GAB3: variants seen among roughly 807,000 people sequenced by gnomAD.
The protein encoded by GAB3 is GRB2-associated-binding protein 3.
GAB3 carries 12 observed loss-of-function variants against 40.4 expected under a neutral mutation model. That is an observed-to-expected ratio of 0.30 (90% confidence interval 0.19 to 0.48). The LOEUF is 0.48. Among genes scored for constraint, GAB3 ranks in the 20% least tolerant of loss-of-function variants. The pLI is 0.99. For missense variants in GAB3, 381 were observed against 461.9 expected (o/e 0.82, Z 1.61); for synonymous variants, 154 against 176.7 (o/e 0.87, Z 1.02).
chrX:154,723,562 C>T (rs1268431674), intron 1 of GAB3, among the ~76,000 whole-genome samples: 1 of 111,647 alleles, frequency 9.0e-6, no homozygotes, highest in Admixed American at 9.4e-5. Context: ...TCTCTTCTTA[C>T]TGAGATGTTT....
intron 4 of GAB3, among the ~76,000 whole-genome samples, chrX:154,706,501 ACTCT>A (rs1275463138): frequency 1.6e-4 from 18 of 111,444 alleles, no homozygotes; most frequent in African/African-American, 5.9e-4. Context: ...GATTTAATGC[ACTCT>A]CTATCAAAAT....
Position 154,675,630 on chromosome X carries a change from C to T in GAB3, c.*2548G>A, listed in dbSNP as rs1569557041. The T allele has an allele frequency of 8.9e-6, 1 of 112,112 alleles. No homozygotes were observed. Among genetic ancestry groups the T allele is most frequent in the South Asian group, 3.7e-4 (1 of 2,710 alleles). 9.2% of individuals were successfully genotyped at this position (112,112 alleles called of 1,213,427 possible). A position where few individuals can be genotyped will look rare whatever the true frequency, so the allele number is the denominator to read the frequency against. On this transcript the variant is annotated 3_prime_UTR_variant, in exon 10 of 10. Transcript: ENST00000424127. ...CCCCTGACTGGGAGGAATTTTCTAA[C>T]GAGGTGAGACAGAAGAAAATGAAAC...
chrX:154,732,372 T>C (rs1331944609), intron 1 of GAB3, among the ~76,000 whole-genome samples: 1 of 112,105 alleles, frequency 8.9e-6, no homozygotes, highest in Admixed American at 9.4e-5. Flanking sequence ...CGTTTAATAC[T>C]GAAGAAAGTC....
At chrX:154,683,454 T>C (rs1358318099) in intron 8 of GAB3, among the ~76,000 whole-genome samples, 5 of 112,057 alleles carry the variant, frequency 4.5e-5, no homozygotes, top group Non-Finnish European at 9.4e-5. Flanking sequence ...AGACCTTTTG[T>C]TTTACTCTCT....
chrX:154,715,677 C>A (rs1377263841), intron 2 of GAB3, among the ~76,000 whole-genome samples: 1 of 111,840 alleles, frequency 8.9e-6, no homozygotes, highest in Non-Finnish European at 1.9e-5. Context: ...TGAAGTATGG[C>A]AATATTTGAT....
chrX:154,730,462 G>A (rs1478083130), intron 1 of GAB3, among the ~76,000 whole-genome samples: 3 of 111,879 alleles, frequency 2.7e-5, no homozygotes, highest in Non-Finnish European at 3.8e-5. Context: ...AACATGAAAT[G>A]AAATAAAGCA....
intron 4 of GAB3, among the ~76,000 whole-genome samples, chrX:154,711,857 TG>T (rs2070953625): frequency 8.9e-6 from 1 of 112,197 alleles, no homozygotes; most frequent in South Asian, 3.7e-4. Flanking sequence ...AGGACTTGCA[TG>T]GGCAAGCCCA....
At chrX:154,709,599 G>A (rs1475131712) in intron 4 of GAB3, among the ~76,000 whole-genome samples, 1 of 109,388 alleles carries the variant, frequency 9.1e-6, no homozygotes, top group Non-Finnish European at 1.9e-5. Context: ...ATTACAGTCT[G>A]AGCCACCGCA....
intron 3 of GAB3, among the ~76,000 whole-genome samples, chrX:154,712,913 T>C (rs2070977473): frequency 8.9e-6 from 1 of 111,994 alleles, no homozygotes; most frequent in Non-Finnish European, 1.9e-5. Flanking sequence ...CAGATACACA[T>C]GAAAATGCAA....
intron 5 of GAB3, among the ~76,000 whole-genome samples, 160 bp downstream of exon 5, chrX:154,699,844 C>T (rs1455539046): frequency 8.9e-6 from 1 of 111,971 alleles, no homozygotes; most frequent in Non-Finnish European, 1.9e-5. Context: ...TATAGAACAC[C>T]AAGTCCTGTA....
intron 1 of GAB3, among the ~76,000 whole-genome samples, chrX:154,729,923 A>C (rs2148477425): frequency 8.9e-6 from 1 of 112,151 alleles, no homozygotes; most frequent in African/African-American, 3.2e-5. Context: ...GAGAGAAAAC[A>C]GAGCCACAGT....
chrX:154,698,748 G>A (rs908400317), intron 6 of GAB3, among the ~76,000 whole-genome samples: 2 of 111,980 alleles, frequency 1.8e-5, no homozygotes, highest in African/African-American at 6.5e-5. Flanking sequence ...AAGCTGCAAG[G>A]CACCCCGTGC....
At chrX:154,734,449 C>CTG (rs1475569132) in intron 1 of GAB3, among the ~76,000 whole-genome samples, 2 of 112,840 alleles carry the variant, frequency 1.8e-5, no homozygotes, top group Non-Finnish European at 3.7e-5. Flanking sequence ...CAAATAATCA[C>CTG]TGTGCAGAAT....
chrX:154,710,824 G>C (rs1250227146), intron 4 of GAB3, among the ~76,000 whole-genome samples: 1 of 112,270 alleles, frequency 8.9e-6, no homozygotes, highest in Non-Finnish European at 1.9e-5. Flanking sequence ...TTTTATGTTT[G>C]TGTTGAAATT....
intron 2 of GAB3, among the ~76,000 whole-genome samples, chrX:154,715,271 T>A (rs1184587554): frequency 8.9e-6 from 1 of 111,994 alleles, no homozygotes; most frequent in African/African-American, 3.3e-5. Flanking sequence ...AGATTCAAAA[T>A]CTCATATTTT....
intron 8 of GAB3, among the ~76,000 whole-genome samples, chrX:154,689,429 G>A (rs1306067647): frequency 9.0e-6 from 1 of 111,712 alleles, no homozygotes; most frequent in Admixed American, 9.5e-5. Context: ...AGTTAGGCAG[G>A]AGAAGGAAAT....
chrX:154,687,074 C>A, intron 8 of GAB3, among the ~76,000 whole-genome samples: 1 of 109,931 alleles, frequency 9.1e-6, no homozygotes, highest in Non-Finnish European at 1.9e-5. Flanking sequence ...TGCCTGTAAT[C>A]CCAGCTACTT....
chrX:154,726,623 A>T, intron 1 of GAB3, among the ~76,000 whole-genome samples: 1 of 112,065 alleles, frequency 8.9e-6, no homozygotes, highest in Non-Finnish European at 1.9e-5. Context: ...TCAGACCCAT[A>T]TAGCCAACCA....
chrX:154,709,104 G>A (rs1278821458), intron 4 of GAB3, among the ~76,000 whole-genome samples: 2 of 104,743 alleles, frequency 1.9e-5, no homozygotes, highest in Non-Finnish European at 3.9e-5. Flanking sequence ...GAGCTCTCAC[G>A]AGATCTGGTT....
Sources: allele counts gnomAD v4.1 joint callset (sites outside exome capture counted in the v4.1 genomes callset), GRCh38; gene constraint gnomAD v4.1.1; transcripts MANE v1.5; gene names NCBI Gene and HGNC (gene_info 2026-07-23, HGNC 2026-07-21).